The following FOXP1 variants were observed in gnomAD, a reference collection of about 807,000 sequenced individuals.
FOXP1 encodes the protein forkhead box protein P1.
In FOXP1, 15 loss-of-function variants were observed where a neutral mutation model predicts 98.2. The observed-to-expected ratio is 0.15, with a 90% CI of 0.10 to 0.24. The LOEUF (loss-of-function observed/expected upper bound fraction) is 0.24. Ranked by LOEUF, FOXP1 falls within the 10% of genes least tolerant of loss-of-function variation. The pLI, the probability that FOXP1 is intolerant of heterozygous loss-of-function variation, is 1.00. For missense variants in FOXP1, 633 were observed against 848.5 expected (o/e 0.75, Z 3.15); for synonymous variants, 371 against 314.5 (o/e 1.18, Z -1.90).
chr3:71,182,682 G>A (rs920302153), intron 6 of FOXP1, among the ~76,000 whole-genome samples: 15 of 151,422 alleles, frequency 9.9e-5, no homozygotes, highest in African/African-American at 3.4e-4. Context: ...GGCAAGTGCC[G>A]CCATGCCCAG....
At chr3:71,286,436 T>A (rs2072148880) in intron 5 of FOXP1, among the ~76,000 whole-genome samples, 1 of 151,282 alleles carries the variant, frequency 6.6e-6, no homozygotes, top group Non-Finnish European at 1.5e-5. Flanking sequence ...AGAAGAGAAC[T>A]TAAATTTCAT....
At chr3:71,475,012 C>T (rs1361116460) in intron 3 of FOXP1, among the ~76,000 whole-genome samples, 1 of 152,014 alleles carries the variant, frequency 6.6e-6, no homozygotes, top group Non-Finnish European at 1.5e-5. Context: ...TGCACACTGC[C>T]ATCCGCTGTG....
At chr3:71,142,060 T>C (rs1345784250) in intron 6 of FOXP1, among the ~76,000 whole-genome samples, 2 of 152,178 alleles carry the variant, frequency 1.3e-5, no homozygotes, top group Non-Finnish European at 2.9e-5. Flanking sequence ...TCAACCCTTT[T>C]AAGGTAAACA....
intron 6 of FOXP1, among the ~76,000 whole-genome samples, chr3:71,182,246 A>T (rs570833240): frequency 6.6e-6 from 1 of 152,174 alleles, no homozygotes; most frequent in African/African-American, 2.4e-5. Flanking sequence ...GTGGTAGCGG[A>T]AAACTTAAAG....
intron 6 of FOXP1, among the ~76,000 whole-genome samples, chr3:71,191,796 A>T (rs1201538821): frequency 6.6e-6 from 1 of 152,174 alleles, no homozygotes; most frequent in South Asian, 2.1e-4. Flanking sequence ...TATTTGTCAG[A>T]ATTATCTGAA....
At chr3:71,326,889 T>C (rs1463437909) in intron 4 of FOXP1, among the ~76,000 whole-genome samples, 1 of 152,078 alleles carries the variant, frequency 6.6e-6, no homozygotes, top group Non-Finnish European at 1.5e-5. Context: ...TAATCCAAAC[T>C]ATAAGAGAAA....
chr3:71,452,807 C>T (rs1290461692), intron 3 of FOXP1, among the ~76,000 whole-genome samples: 1 of 152,162 alleles, frequency 6.6e-6, no homozygotes, highest in Non-Finnish European at 1.5e-5. Context: ...TGGCCTCCCT[C>T]CCTTCCTTCC....
chr3:71,041,543 C>T lies in FOXP1; in HGVS notation c.665-11G>A, dbSNP rs1369455227. 1 of 1,612,532 alleles carries T rather than the reference C, an allele frequency of 6.2e-7. No homozygotes were observed. The highest frequency in any genetic ancestry group is 8.5e-7 in the Non-Finnish European group (1 of 1,178,764). On this transcript the variant is annotated splice_polypyrimidine_tract_variant and intron_variant, in intron 10 of 20. Transcript: ENST00000649528. ...CTGTTGGAATCATGCCTGAAACAAA[C>T]AAATTGGATAATTAAATCAATTAAC...
chr3:71,241,459 C>A (rs1560172385), intron 5 of FOXP1, among the ~76,000 whole-genome samples: 1 of 152,096 alleles, frequency 6.6e-6, no homozygotes, highest in Admixed American at 6.5e-5. Context: ...AAAGGACACT[C>A]CGGTCTCCCC....
chr3:71,519,065 G>T (rs953485405), intron 2 of FOXP1, among the ~76,000 whole-genome samples: 1 of 152,222 alleles, frequency 6.6e-6, no homozygotes, highest in African/African-American at 2.4e-5. Flanking sequence ...GGCCAACACG[G>T]TGAAACCCCA....
intron 2 of FOXP1, among the ~76,000 whole-genome samples, chr3:71,519,044 G>C (rs546671537): frequency 6.6e-6 from 1 of 152,218 alleles, no homozygotes; most frequent in Non-Finnish European, 1.5e-5. Context: ...TCGGGAATTT[G>C]AGACCAGCCT....
intron 6 of FOXP1, among the ~76,000 whole-genome samples, chr3:71,195,501 T>C (rs1007716983): frequency 2.6e-5 from 4 of 152,210 alleles, no homozygotes; most frequent in African/African-American, 7.2e-5. Context: ...ACCAGGCCCT[T>C]TTAAGCCAGA....
intron 4 of FOXP1, among the ~76,000 whole-genome samples, chr3:71,321,625 T>A (rs1030840818): frequency 6.6e-6 from 1 of 151,816 alleles, no homozygotes; most frequent in Non-Finnish European, 1.5e-5. Context: ...TCTTTCTTTT[T>A]TCTTTTTTTT....
At chr3:71,411,483 C>A (rs538255079) in intron 3 of FOXP1, among the ~76,000 whole-genome samples, 2 of 152,118 alleles carry the variant, frequency 1.3e-5, no homozygotes, top group Non-Finnish European at 2.9e-5. Context: ...CCACCATGCC[C>A]GGCTAATTTT....
intron 3 of FOXP1, among the ~76,000 whole-genome samples, chr3:71,461,552 C>A (rs2088112940): frequency 6.6e-6 from 1 of 152,072 alleles, no homozygotes; most frequent in South Asian, 2.1e-4. Context: ...CCTGTAATCC[C>A]AGCACTTTGG....
intron 7 of FOXP1, among the ~76,000 whole-genome samples, chr3:71,091,500 A>G (rs915007055): frequency 1.3e-5 from 2 of 151,882 alleles, no homozygotes; most frequent in African/African-American, 2.4e-5. Context: ...AAAACAAAAC[A>G]AAACAAAACA....
intron 4 of FOXP1, among the ~76,000 whole-genome samples, chr3:71,312,578 A>G (rs1387739447): frequency 6.6e-6 from 1 of 152,194 alleles, no homozygotes; most frequent in Non-Finnish European, 1.5e-5. Flanking sequence ...AATGCCAGCT[A>G]TTAAGGAGGG....
chr3:71,310,332 C>T (rs1418324698), intron 4 of FOXP1, among the ~76,000 whole-genome samples: 1 of 152,058 alleles, frequency 6.6e-6, no homozygotes, highest in Non-Finnish European at 1.5e-5. Flanking sequence ...TAATTGCTTC[C>T]AAAAGGTGGG....
At chr3:71,048,148 AG>A (rs2049299387) in intron 9 of FOXP1, among the ~76,000 whole-genome samples, 1 of 152,190 alleles carries the variant, frequency 6.6e-6, no homozygotes, top group South Asian at 2.1e-4. Context: ...CAAAAAAAAA[AG>A]AAAAGTTTCT....
Sources: allele counts gnomAD v4.1 joint callset (sites outside exome capture counted in the v4.1 genomes callset), GRCh38; gene constraint gnomAD v4.1.1; transcripts MANE v1.5; gene names NCBI Gene and HGNC (gene_info 2026-07-23, HGNC 2026-07-21).